The following KCND2 variants were observed in gnomAD, a reference collection of about 807,000 sequenced individuals.
KCND2 encodes the protein potassium voltage-gated channel subfamily D member 2, also known as A-type voltage-gated potassium channel KCND2.
KCND2 carries 16 observed loss-of-function variants against 54.4 expected under a neutral mutation model. The ratio of observed to expected loss-of-function variants is 0.29; its 90% CI spans 0.20 to 0.45. KCND2 has a LOEUF of 0.45. Among genes scored for constraint, KCND2 ranks in the 20% least tolerant of loss-of-function variants. The probability of loss-of-function intolerance (pLI) is 1.00; values close to 1 mark genes in which losing one functional copy is unlikely to be tolerated. For synonymous variants in KCND2, 317 were observed against 310.7 expected (o/e 1.02, Z -0.21); for missense variants, 486 against 824.2 (o/e 0.59, Z 5.02).
chr7:120,371,623 ACTT>A (rs1800767272), intron 1 of KCND2, among the ~76,000 whole-genome samples: 1 of 152,012 alleles, frequency 6.6e-6, no homozygotes. Context: ...ACCCAGAGCA[ACTT>A]CCGGTTCTGC....
rs761696009 is a variant in KCND2, at chr7:120,732,981, T to C, written c.1194T>C (p.Ile398=). 49 of 1,613,758 alleles carry C rather than the reference T, an allele frequency of 3.0e-5. No homozygotes were observed. In the South Asian group the frequency reaches 4.0e-4, roughly 13 times the overall value. ...GTTCGCTGAGTGGGGTCTTGGTCAT[T>C]GCTCTACCTGTTCCGGTGATTGTAT... ...SICSLSGVLV[I]ALPVPVIVSN... The change falls in exon 2 of 6, where the codon ATT becomes ATC. Residue 398 remains isoleucine (I), a synonymous_variant. Coordinates refer to ENST00000331113, the MANE Select transcript of KCND2 (RefSeq NM_012281.3).
chr7:120,279,137 A>G (rs1250950514), intron 1 of KCND2, among the ~76,000 whole-genome samples: 1 of 151,978 alleles, frequency 6.6e-6, no homozygotes, highest in Non-Finnish European at 1.5e-5. Flanking sequence ...AACTTAGGAA[A>G]TTTCCAAGTG....
chr7:120,416,777 CAA>C (rs200783464), intron 1 of KCND2, among the ~76,000 whole-genome samples: 31 of 112,238 alleles, frequency 2.8e-4, no homozygotes, highest in Admixed American at 3.5e-4. Context: ...CATAGACTAG[CAA>C]AAAAAAAAAA....
intron 1 of KCND2, among the ~76,000 whole-genome samples, chr7:120,435,519 A>T (rs925416576): frequency 6.6e-5 from 10 of 152,108 alleles, no homozygotes; most frequent in African/African-American, 2.2e-4. Flanking sequence ...GTACAGAATA[A>T]GAAAATCATC....
intron 1 of KCND2, among the ~76,000 whole-genome samples, chr7:120,484,614 T>G (rs1235983913): frequency 6.6e-6 from 1 of 151,594 alleles, no homozygotes; most frequent in Non-Finnish European, 1.5e-5. Context: ...AAATGATAGC[T>G]TTAGAGGCTC....
intron 1 of KCND2, chr7:120,464,022 T>G (rs1861063): frequency 0.14 from 138,072 of 965,906 alleles, 17,218 homozygotes; most frequent in African/African-American, 0.61. Flanking sequence ...GTTTTGTTTT[T>G]TTTTTTTTTT....
intron 1 of KCND2, among the ~76,000 whole-genome samples, chr7:120,464,745 C>T (rs1195131084): frequency 6.6e-6 from 1 of 152,140 alleles, no homozygotes; most frequent in African/African-American, 2.4e-5. Context: ...TCTTTGTTTC[C>T]TTGCTGCCTT....
intron 1 of KCND2, among the ~76,000 whole-genome samples, chr7:120,587,336 T>C (rs1792612526): frequency 6.6e-6 from 1 of 152,204 alleles, no homozygotes; most frequent in African/African-American, 2.4e-5. Flanking sequence ...TAGAAATCTT[T>C]CGCAAATTCC....
chr7:120,461,267 T>G (rs1357296133), intron 1 of KCND2, among the ~76,000 whole-genome samples: 1 of 152,208 alleles, frequency 6.6e-6, no homozygotes, highest in African/African-American at 2.4e-5. Flanking sequence ...CAGCTGCCAC[T>G]GAGATCACTC....
At chr7:120,700,506 C>A (rs556815058) in intron 1 of KCND2, among the ~76,000 whole-genome samples, 1 of 152,174 alleles carries the variant, frequency 6.6e-6, no homozygotes, top group Non-Finnish European at 1.5e-5. Context: ...TTAGTCTTTT[C>A]TTTGTTTGAA....
At chr7:120,291,036 C>T (rs1245185529) in intron 1 of KCND2, among the ~76,000 whole-genome samples, 3 of 151,892 alleles carry the variant, frequency 2.0e-5, no homozygotes. Flanking sequence ...CTTTTTGAAT[C>T]TTAATAAATT....
At chr7:120,615,649 A>C (rs73423712) in intron 1 of KCND2, among the ~76,000 whole-genome samples, 1 of 152,106 alleles carries the variant, frequency 6.6e-6, no homozygotes. Flanking sequence ...TTTCTTCCCA[A>C]TTGCCAAGAT....
intron 1 of KCND2, among the ~76,000 whole-genome samples, chr7:120,377,811 C>T (rs1255846104): frequency 1.3e-5 from 2 of 151,910 alleles, no homozygotes; most frequent in Non-Finnish European, 2.9e-5. Flanking sequence ...CCAGTCTATC[C>T]ACCCAGAAAG....
intron 1 of KCND2, among the ~76,000 whole-genome samples, chr7:120,587,716 A>G (rs1792618086): frequency 1.3e-5 from 2 of 152,308 alleles, no homozygotes; most frequent in Non-Finnish European, 2.9e-5. Flanking sequence ...TATCTTCACA[A>G]TGAGCCATTT....
At chr7:120,659,365 C>A (rs1179665770) in intron 1 of KCND2, among the ~76,000 whole-genome samples, 2 of 152,122 alleles carry the variant, frequency 1.3e-5, no homozygotes, top group Admixed American at 6.6e-5. Context: ...TACTGTGAGT[C>A]AAAATTCTGC....
intron 1 of KCND2, among the ~76,000 whole-genome samples, chr7:120,345,569 A>T (rs1463167297): frequency 6.6e-6 from 1 of 152,158 alleles, no homozygotes; most frequent in Non-Finnish European, 1.5e-5. Context: ...CTCCCTGGCA[A>T]CCACCATTCC....
intron 1 of KCND2, among the ~76,000 whole-genome samples, chr7:120,732,171 A>G (rs1313843246): frequency 6.6e-6 from 1 of 152,152 alleles, no homozygotes; most frequent in Non-Finnish European, 1.5e-5. Flanking sequence ...AGAAGATAAG[A>G]GGACGGAAGA....
intron 1 of KCND2, among the ~76,000 whole-genome samples, chr7:120,649,636 T>A (rs1468714879): frequency 6.6e-6 from 1 of 152,168 alleles, no homozygotes; most frequent in African/African-American, 2.4e-5. Flanking sequence ...TAAATTTGTT[T>A]GAGTTCATTG....
At chr7:120,729,150 G>A (rs1053546534) in intron 1 of KCND2, among the ~76,000 whole-genome samples, 1 of 152,150 alleles carries the variant, frequency 6.6e-6, no homozygotes, top group African/African-American at 2.4e-5. Context: ...AGCTGGTTTT[G>A]CCAGTGAGAT....
Sources: allele counts gnomAD v4.1 joint callset (sites outside exome capture counted in the v4.1 genomes callset), GRCh38; gene constraint gnomAD v4.1.1; transcripts MANE v1.5; gene names NCBI Gene and HGNC (gene_info 2026-07-23, HGNC 2026-07-21).